The following UMOD variants were observed in gnomAD, a reference collection of about 807,000 sequenced individuals.
UMOD encodes uromodulin, also known as Tamm-Horsfall urinary glycoprotein.
A neutral mutation model predicts 66.0 loss-of-function variants in UMOD; 64 were observed. The observed-to-expected ratio is 0.97, with a 90% CI of 0.79 to 1.19. The LOEUF is 1.19. Ranked by LOEUF, UMOD falls within the 50% of genes most tolerant of loss-of-function variation. UMOD has a pLI of 0.00. For synonymous variants in UMOD, 398 were observed against 352.7 expected, an observed-to-expected ratio of 1.13 and a Z score of -1.44; for missense variants, 764 against 850.9, an observed-to-expected ratio of 0.90 and a Z score of 1.27.
In UMOD at chr16:20,337,391, C is replaced by A; in HGVS notation, c.1640G>T (p.Arg547Leu). 1 of 1,614,184 alleles carries A rather than the reference C, an allele frequency of 6.2e-7. No individual in the cohort carries two copies. The highest frequency in any genetic ancestry group is 8.5e-7 in the Non-Finnish European group (1 of 1,180,042). The change falls in exon 8 of 11, where the codon CGA (arginine) becomes CTA (leucine). Residue 547 changes from arginine to leucine, a missense_variant. Arg to Leu is a moderately radical substitution (Grantham distance 102). Coordinates refer to ENST00000396138, the MANE Select transcript of UMOD (RefSeq NM_003361.4). ...VVENGESSQG[R>L]FSVQMFRFAG... ...AAACCGGAACATCTGGACGGAAAAT[C>A]GGCCCTGGGAGGACTCCCCATTCTC... is the stretch of plus-strand genomic sequence containing the variant.
At chr16:20,350,948 G>T in intron 1 of UMOD, 109 bp from the exon 2 acceptor site, 1 of 1,190,498 alleles carries the variant, frequency 8.4e-7, no homozygotes, top group Non-Finnish European at 1.1e-6. Flanking sequence ...TCACTTATAT[G>T]GACTAAAAAA....
In UMOD at chr16:20,352,624, C is replaced by G. The variant is rs554764602; in HGVS notation, c.-103+65G>C. 7 of 1,199,954 alleles carry G rather than the reference C, an allele frequency of 5.8e-6. No individual in the cohort carries two copies. The East Asian group carries it at 2.2e-4, about 38-fold the overall frequency. 74.3% of individuals were successfully genotyped at this position (1,199,954 alleles called of 1,614,324 possible). A position where few individuals can be genotyped will look rare whatever the true frequency, so the allele number is the denominator to read the frequency against. On this transcript the variant is annotated intron_variant, in intron 1 of 10. Transcript: ENST00000396138. ...AGTGTCCAAGGTCTTAATTTCCTCT[C>G]CTACCTCCCTCAAATAGGATGGGGA...
chr16:20,341,161 T>G lies in UMOD; in HGVS notation c.1507A>C (p.Met503Leu). ...GGDLSRFALL[M>L]TNCYATPSSN... ...CTGGGTGTGGCATAGCAGTTGGTCA[T>G]GAGCAGTGCAAATCGGGACAGGTCG... The change falls in exon 7 of 11, where the codon ATG (methionine) becomes CTG (leucine). Residue 503 changes from methionine to leucine, a missense_variant. By Grantham distance (15) the Met-to-Leu change is conservative. Coordinates refer to ENST00000396138, the MANE Select transcript of UMOD (RefSeq NM_003361.4). The G allele has an allele frequency of 9.3e-6, 15 of 1,614,090 alleles. No homozygotes were observed. The highest frequency in any genetic ancestry group is 1.3e-5 in the Non-Finnish European group (15 of 1,180,002).
intron 5 of UMOD, among the ~76,000 whole-genome samples, chr16:20,345,405 TTTCTTTC>T (rs1965495524): frequency 1.9e-5 from 2 of 107,706 alleles, no homozygotes; most frequent in South Asian, 2.8e-4. Context: ...TTTTTTTTTC[TTTCTTTC>T]TTTCTTTCTT....
In UMOD at chr16:20,333,289, G is replaced by A. The variant is rs1567297432; in HGVS notation, c.*25C>T. ...CAGCAGGAGGTGAGATGGCAGCCAT[G>A]GAGCACAGGGCTTTCCGCTGTCAGT... On this transcript the variant is annotated 3_prime_UTR_variant, in exon 11 of 11. Coordinates refer to ENST00000396138, the MANE Select transcript of UMOD (RefSeq NM_003361.4). 2 of 1,610,150 alleles carry A rather than the reference G, an allele frequency of 1.2e-6. No homozygotes were observed. Among genetic ancestry groups the A allele is most frequent in the Non-Finnish European group, 1.7e-6 (2 of 1,178,260 alleles).
At chr16:20,350,491 ATT>A (rs1965837346) in intron 2 of UMOD, among the ~76,000 whole-genome samples, 157 bp downstream of exon 2, 1 of 152,214 alleles carries the variant, frequency 6.6e-6, no homozygotes, top group Non-Finnish European at 1.5e-5. Context: ...TCCTGTGCAT[ATT>A]GAGTCTAAGA....
At chr16:20,347,462 G>GT (rs1297704733) in intron 4 of UMOD, among the ~76,000 whole-genome samples, 1 of 152,102 alleles carries the variant, frequency 6.6e-6, no homozygotes, top group African/African-American at 2.4e-5. Context: ...TTTAAAATTT[G>GT]TTTTATGGAA....
rs1964682935 is a variant in UMOD, at chr16:20,333,159, G to A, written c.*155C>T. The A allele has an allele frequency of 1.2e-6, 1 of 801,978 alleles. No individual in the cohort carries two copies. The highest frequency in any genetic ancestry group is 2.1e-6 in the Non-Finnish European group (1 of 472,832). 49.7% of individuals were successfully genotyped at this position (801,978 alleles called of 1,614,324 possible). ...AAAGCAGCATTTAAAGACACAGGCT[G>A]TTTCTCGACAGCCAGGATTAAAAGG... On this transcript the variant is annotated 3_prime_UTR_variant, in exon 11 of 11. Coordinates refer to ENST00000396138, the MANE Select transcript of UMOD (RefSeq NM_003361.4).
intron 5 of UMOD, 31 bp from the exon 6 acceptor site, chr16:20,344,203 T>TGGGGGGGGGGGGGGGGGG: frequency 8.3e-6 from 5 of 604,020 alleles, no homozygotes; most frequent in Admixed American, 4.4e-5. Context: ...GGAGGGGGGG[T>TGGGGGGGGGGGGGGGGGG]GGGGATGAGA....
At chr16:20,337,860 T>C (rs1964969960) in intron 7 of UMOD, among the ~76,000 whole-genome samples, 1 of 152,172 alleles carries the variant, frequency 6.6e-6, no homozygotes, top group Admixed American at 6.5e-5. Flanking sequence ...AATGGAAACC[T>C]CTGGGTACCG....
chr16:20,346,045 G>T, intron 5 of UMOD, 81 bp downstream of exon 5: 1 of 1,386,162 alleles, frequency 7.2e-7, no homozygotes, highest in African/African-American at 1.4e-5. Flanking sequence ...ACTCCCCAAA[G>T]CTTCTATAAC....
At position 20,350,776 on chromosome 16, in the gene UMOD, C is replaced by G; in HGVS notation, c.-39G>C. ...CCCGCTACTTCAGGTCTAGATAGCA[C>G]CTGCCCAAAGGAAAGACGGGTTGGC... is the stretch of plus-strand genomic sequence containing the variant. On this transcript the variant is annotated 5_prime_UTR_variant, in exon 2 of 11. Coordinates refer to ENST00000396138, the MANE Select transcript of UMOD (RefSeq NM_003361.4). 1 of 1,613,898 alleles carries G rather than the reference C, an allele frequency of 6.2e-7. No individual in the cohort carries two copies. Among genetic ancestry groups the G allele is most frequent in the South Asian group, 1.1e-5 (1 of 91,026 alleles).
In UMOD at chr16:20,348,583, C is replaced by A. The variant is rs1321919119; in HGVS notation, c.718G>T (p.Glu240Ter). 2.5e-6 allele frequency: 4 copies of A among 1,593,266 alleles called. No individual in the cohort carries two copies. The highest frequency in any genetic ancestry group is 3.4e-6 in the Non-Finnish European group (4 of 1,174,844). The change falls in exon 3 of 11, where the codon GAG becomes TAG. Residue 240 changes from glutamate to a stop codon, truncating the protein, a stop_gained. Transcript: ENST00000396138. LOFTEE classifies it high-confidence loss of function. The part of the protein sequence containing the change: ...WLNGTHPSSD[E>*]GIVSRKACAH... ...CAGGCCTTGCGGCTCACGATGCCCT[C>A]GTCGCTGGACGGATGCGTGCCATTG...
Position 20,337,423 on chromosome 16 carries a change from T to C in UMOD, c.1608A>G (p.Gln536=). The part of the protein sequence containing the change: ...RCPHTRDSTI[Q]VVENGESSQG... ...GGGAGGACTCCCCATTCTCCACCAC[T>C]TGGATAGTTGAGTCTCTAGTGTGTG... The change falls in exon 8 of 11, where the codon CAA becomes CAG. Residue 536 remains glutamine (Q), a synonymous_variant. Coordinates refer to ENST00000396138, the MANE Select transcript of UMOD (RefSeq NM_003361.4). 3 of 1,614,218 alleles carry C rather than the reference T, an allele frequency of 1.9e-6. No homozygotes were observed. In the African/African-American group the frequency reaches 4.0e-5, roughly 22 times the overall value.
chr16:20,353,691 G>T (rs1205158127), upstream of UMOD, among the ~76,000 whole-genome samples: 1 of 151,898 alleles, frequency 6.6e-6, no homozygotes, highest in Non-Finnish European at 1.5e-5. Flanking sequence ...CTGTCATCAT[G>T]TTGAGAAAAA....
At chr16:20,336,147 C>A (rs1044409340) in intron 9 of UMOD, among the ~76,000 whole-genome samples, 15 of 152,320 alleles carry the variant, frequency 9.8e-5, no homozygotes, top group African/African-American at 3.6e-4. Flanking sequence ...TCCTAAACCA[C>A]TCCTAAGATC....
upstream of UMOD, among the ~76,000 whole-genome samples, chr16:20,353,088 A>G (rs573705579): frequency 1.4e-4 from 21 of 152,318 alleles, no homozygotes; most frequent in Non-Finnish European, 2.9e-4. Flanking sequence ...AGAAGCCAGT[A>G]TCTGAAGCCA....
At chr16:20,352,927 T>A (rs1965962675), upstream of UMOD, 2 of 400,742 alleles carry the variant, frequency 5.0e-6, no homozygotes, top group East Asian at 3.6e-5. Flanking sequence ...CATTGGGGGG[T>A]CACACCTGTG....
chr16:20,334,635 C>T (rs1219191576), intron 10 of UMOD, among the ~76,000 whole-genome samples: 1 of 152,080 alleles, frequency 6.6e-6, no homozygotes. Context: ...GTGTACAGCC[C>T]TAAGTCCAGG....
Sources: gnomAD v4.1 joint callset for allele counts (sites outside exome capture counted in the v4.1 genomes callset) on GRCh38, gnomAD v4.1.1 for gene constraint, MANE v1.5 for transcripts, NCBI Gene and HGNC (gene_info 2026-07-23, HGNC 2026-07-21) for gene names.